RANBP2: variants seen among roughly 807,000 people sequenced by gnomAD.
The protein encoded by RANBP2 is E3 SUMO-protein ligase RanBP2.
Under a neutral mutation model 303.6 loss-of-function variants are expected in RANBP2, and 57 were observed. The observed-to-expected ratio is 0.19, with a 90% CI of 0.15 to 0.23. The LOEUF (loss-of-function observed/expected upper bound fraction) is 0.23, where lower values mean the gene tolerates loss of function less well. RANBP2 is among the 10% of genes least tolerant of loss of function. The probability of loss-of-function intolerance (pLI) is 1.00; values close to 1 mark genes in which losing one functional copy is unlikely to be tolerated. For missense variants in RANBP2, 3,138 were observed against 3,780.8 expected, an observed-to-expected ratio of 0.83 and a Z score of 4.46; for synonymous variants, 1,167 against 1,301.5, an observed-to-expected ratio of 0.90 and a Z score of 2.23.
At chr2:108,891,265 A>C in the RANBP2 span, among the ~76,000 whole-genome samples, 1 of 152,148 alleles carries the variant, frequency 6.6e-6, no homozygotes, top group African/African-American at 2.4e-5. Context: ...CCTTAAGTGG[A>C]TCTCTGCACA....
chr2:109,443,247 C>G, the RANBP2 span, among the ~76,000 whole-genome samples: 1 of 152,242 alleles, frequency 6.6e-6, no homozygotes, highest in Non-Finnish European at 1.5e-5. Flanking sequence ...AAGTGGCTGA[C>G]CTGAGGCTGC....
chr2:109,682,823 A>C, the RANBP2 span, among the ~76,000 whole-genome samples: 1 of 152,174 alleles, frequency 6.6e-6, no homozygotes, highest in Non-Finnish European at 1.5e-5. Flanking sequence ...ACAGGAAGGA[A>C]GACTGAAGAC....
chr2:109,031,287 C>T, the RANBP2 span, among the ~76,000 whole-genome samples: 1 of 152,150 alleles, frequency 6.6e-6, no homozygotes, highest in Non-Finnish European at 1.5e-5. Context: ...TGGGTGCTGG[C>T]TGACTCAGCA....
At chr2:109,352,678 T>C in the RANBP2 span, among the ~76,000 whole-genome samples, 2 of 152,100 alleles carry the variant, frequency 1.3e-5, no homozygotes, top group Admixed American at 6.5e-5. Context: ...AGGGAACCAG[T>C]TCTCCTTTTT....
At chr2:109,660,837 C>T in the RANBP2 span, among the ~76,000 whole-genome samples, 1 of 152,208 alleles carries the variant, frequency 6.6e-6, no homozygotes, top group East Asian at 1.9e-4. Context: ...CCTGGTGATC[C>T]ATCTGGCCCT....
the RANBP2 span, chr2:109,129,900 C>T: frequency 9.3e-6 from 14 of 1,509,868 alleles, no homozygotes; most frequent in African/African-American, 1.3e-4. Flanking sequence ...TGCTGGACGG[C>T]ATCCGTCAGC....
At chr2:108,948,720 C>T in the RANBP2 span, among the ~76,000 whole-genome samples, 1 of 152,154 alleles carries the variant, frequency 6.6e-6, no homozygotes, top group South Asian at 2.1e-4. Flanking sequence ...GAAAACTGCT[C>T]CCATGATCCA....
the RANBP2 span, among the ~76,000 whole-genome samples, chr2:109,525,329 TG>T: frequency 6.6e-6 from 1 of 152,014 alleles, no homozygotes; most frequent in Non-Finnish European, 1.5e-5. Flanking sequence ...TAATTTTTTT[TG>T]AATTTTTACA....
the RANBP2 span, among the ~76,000 whole-genome samples, chr2:109,282,200 G>A: frequency 6.6e-6 from 1 of 152,140 alleles, no homozygotes; most frequent in Non-Finnish European, 1.5e-5. Context: ...TGCCATGAGT[G>A]TTTATTGGGG....
At chr2:108,996,871 C>T in the RANBP2 span, among the ~76,000 whole-genome samples, 1 of 152,202 alleles carries the variant, frequency 6.6e-6, no homozygotes, top group Non-Finnish European at 1.5e-5. Context: ...TGTGGCCCCA[C>T]CATCTGCCTC....
chr2:108,967,286 T>C, the RANBP2 span, among the ~76,000 whole-genome samples: 7 of 152,156 alleles, frequency 4.6e-5, no homozygotes, highest in Admixed American at 3.9e-4. Context: ...CAGGTTCATA[T>C]TTCACAGGGA....
the RANBP2 span, among the ~76,000 whole-genome samples, chr2:108,802,905 T>C: frequency 1.3e-5 from 2 of 152,250 alleles, no homozygotes; most frequent in Non-Finnish European, 2.9e-5. Context: ...TTTTTGTCTT[T>C]GGCTCTGTTT....
the RANBP2 span, among the ~76,000 whole-genome samples, chr2:109,707,496 T>C: frequency 6.6e-6 from 1 of 152,230 alleles, no homozygotes; most frequent in African/African-American, 2.4e-5. Flanking sequence ...AATACCCACG[T>C]TGCCAAATGG....
the RANBP2 span, among the ~76,000 whole-genome samples, chr2:109,398,191 T>C: frequency 6.6e-6 from 1 of 152,198 alleles, no homozygotes; most frequent in Non-Finnish European, 1.5e-5. Context: ...GGGAACCTGC[T>C]GTCATGGAGC....
At chr2:108,865,115 C>T in the RANBP2 span, among the ~76,000 whole-genome samples, 1 of 152,054 alleles carries the variant, frequency 6.6e-6, no homozygotes, top group East Asian at 1.9e-4. Flanking sequence ...CTTTTTATCA[C>T]AGGAATGCTA....
At chr2:109,733,584 G>A in the RANBP2 span, among the ~76,000 whole-genome samples, 1 of 152,108 alleles carries the variant, frequency 6.6e-6, no homozygotes, top group Non-Finnish European at 1.5e-5. Flanking sequence ...AAGTCGTGGT[G>A]GCTCGCACCT....
chr2:109,012,134 A>G, the RANBP2 span, among the ~76,000 whole-genome samples: 1 of 152,326 alleles, frequency 6.6e-6, no homozygotes, highest in South Asian at 2.1e-4. Flanking sequence ...TCTCTTTGGC[A>G]GCTCTGAGGT....
the RANBP2 span, among the ~76,000 whole-genome samples, chr2:109,599,221 G>A: frequency 6.6e-6 from 1 of 152,252 alleles, no homozygotes; most frequent in Non-Finnish European, 1.5e-5. Context: ...ACTCTGGGAG[G>A]CCAAGACCGG....
the RANBP2 span, among the ~76,000 whole-genome samples, chr2:109,318,389 A>G: frequency 5.9e-5 from 9 of 152,236 alleles, no homozygotes; most frequent in East Asian, 1.6e-3. Context: ...GGGGTGAGGA[A>G]GAAATGCCGC....
Sources: gnomAD v4.1 joint callset for allele counts (sites outside exome capture counted in the v4.1 genomes callset) on GRCh38, gnomAD v4.1.1 for gene constraint, MANE v1.5 for transcripts, NCBI Gene and HGNC (gene_info 2026-07-23, HGNC 2026-07-21) for gene names.